The following TACR3 variants were observed in gnomAD, a reference collection of about 807,000 sequenced individuals.
The protein encoded by TACR3 is neuromedin-K receptor.
A neutral mutation model predicts 35.0 loss-of-function variants in TACR3; 34 were observed. The observed-to-expected ratio is 0.97, with a 90% CI of 0.74 to 1.30. The LOEUF is 1.30. TACR3 is among the 50% of genes most tolerant of loss of function. The probability of loss-of-function intolerance (pLI) is 0.00; values close to 1 mark genes in which losing one functional copy is unlikely to be tolerated. For synonymous variants in TACR3, 233 were observed against 221.1 expected, an observed-to-expected ratio of 1.05 and a Z score of -0.48; for missense variants, 558 against 591.7, an observed-to-expected ratio of 0.94 and a Z score of 0.59.
At chr4:103,596,442 T>G (rs1196755271) in intron 3 of TACR3, among the ~76,000 whole-genome samples, 3 of 151,980 alleles carry the variant, frequency 2.0e-5, no homozygotes, top group Non-Finnish European at 4.4e-5. Context: ...AGATTGCCAT[T>G]CTAACTGGTG....
chr4:103,636,136 T>G (rs1725182420), intron 3 of TACR3, among the ~76,000 whole-genome samples: 1 of 151,998 alleles, frequency 6.6e-6, no homozygotes, highest in Admixed American at 6.6e-5. Flanking sequence ...CATTAATTAC[T>G]CTCAGTATGC....
intron 1 of TACR3, among the ~76,000 whole-genome samples, chr4:103,704,641 C>A (rs138372328): frequency 1.3e-5 from 2 of 152,204 alleles, no homozygotes; most frequent in African/African-American, 4.8e-5. Flanking sequence ...AGAAACCAGC[C>A]CCATAATCCA....
At chr4:103,596,885 A>G (rs1271050099) in intron 3 of TACR3, among the ~76,000 whole-genome samples, 1 of 151,770 alleles carries the variant, frequency 6.6e-6, no homozygotes, top group Non-Finnish European at 1.5e-5. Flanking sequence ...GTTTGCTGAG[A>G]ATGATGGTTT....
rs961826200 is a variant in TACR3 at position 103,609,845 on chromosome 4, T to G, written c.889-18162A>C. On this transcript the variant is annotated intron_variant, in intron 3 of 4. Coordinates refer to ENST00000304883, the MANE Select transcript of TACR3 (RefSeq NM_001059.3). ...CACTCACTTCTTCTATAAGGTAAAC[T>G]TTGTTAGATTCTACATATGACTGAA... Among the ~76,000 whole-genome samples, 7 of 152,116 alleles carry G rather than the reference T, an allele frequency of 4.6e-5. No individual in the cohort carries two copies. The South Asian group carries it at 1.5e-3, about 32-fold the overall frequency.
chr4:103,706,846 C>A (rs567794530), intron 1 of TACR3, among the ~76,000 whole-genome samples: 1 of 152,242 alleles, frequency 6.6e-6, no homozygotes, highest in South Asian at 2.1e-4. Flanking sequence ...GGGATAAAAT[C>A]GATTCCAAGA....
At chr4:103,695,721 G>C (rs932462060) in intron 1 of TACR3, among the ~76,000 whole-genome samples, 4 of 151,512 alleles carry the variant, frequency 2.6e-5, no homozygotes, top group African/African-American at 9.7e-5. Context: ...CTGTGTGTGT[G>C]TGTGTGTGTG....
chr4:103,712,250 A>G (rs1722982632), intron 1 of TACR3, among the ~76,000 whole-genome samples: 1 of 152,200 alleles, frequency 6.6e-6, no homozygotes, highest in Non-Finnish European at 1.5e-5. Flanking sequence ...AAACTATACT[A>G]CAAGGCTACA....
chr4:103,636,486 A>T (rs1725193883), intron 3 of TACR3, among the ~76,000 whole-genome samples: 1 of 152,046 alleles, frequency 6.6e-6, no homozygotes. Context: ...CTTACCACAC[A>T]AAAGCCTTTT....
At chr4:103,680,882 C>T (rs984331407) in intron 1 of TACR3, among the ~76,000 whole-genome samples, 9 of 151,864 alleles carry the variant, frequency 5.9e-5, no homozygotes, top group African/African-American at 9.7e-5. Flanking sequence ...GTTTCTACAT[C>T]TACCTCTTTG....
chr4:103,656,914 CTGGGT>C (rs1284379215), intron 2 of TACR3, among the ~76,000 whole-genome samples: 6 of 151,732 alleles, frequency 4.0e-5, no homozygotes, highest in Non-Finnish European at 4.4e-5. Context: ...ATTTTCCAGT[CTGGGT>C]CCATTTGATT....
rs576117483 is a variant in TACR3 at position 103,598,234 on chromosome 4, G to C, written c.889-6551C>G. 5.3e-5 allele frequency among the ~76,000 whole-genome samples: 8 copies of C among 152,174 alleles called. No homozygotes were observed. The East Asian group carries it at 9.7e-4, about 18-fold the overall frequency. ...GTGAGCATTTTTTCATGTGTTTTTC[G>C]GCTGCATAAATGTCTTCTTTTGAGA... On this transcript the variant is annotated intron_variant, in intron 3 of 4. Transcript: ENST00000304883.
chr4:103,707,083 G>A (rs1722811869), intron 1 of TACR3, among the ~76,000 whole-genome samples: 1 of 152,152 alleles, frequency 6.6e-6, no homozygotes, highest in South Asian at 2.1e-4. Flanking sequence ...CCCACTCGGT[G>A]GAATGCTAAA....
At chr4:103,674,327 T>G (rs978072320) in intron 1 of TACR3, among the ~76,000 whole-genome samples, 1 of 151,754 alleles carries the variant, frequency 6.6e-6, no homozygotes, top group Non-Finnish European at 1.5e-5. Context: ...TTTTTTTTTT[T>G]CTCTGTTGTT....
At chr4:103,658,091 C>T in intron 2 of TACR3, 124 bp downstream of exon 2, 1 of 954,100 alleles carries the variant, frequency 1.0e-6, no homozygotes, top group Non-Finnish European at 1.6e-6. Context: ...TTATATATTT[C>T]CTTTTCCAAA....
chr4:103,717,980 C>T (rs530244206), intron 1 of TACR3, among the ~76,000 whole-genome samples: 9 of 152,244 alleles, frequency 5.9e-5, no homozygotes, highest in Admixed American at 2.0e-4. Flanking sequence ...CTAACCTCTG[C>T]TCCTTTAATT....
intron 3 of TACR3, among the ~76,000 whole-genome samples, chr4:103,627,566 A>G (rs1724926173): frequency 1.3e-5 from 2 of 152,080 alleles, no homozygotes; most frequent in Admixed American, 1.3e-4. Context: ...AGTCTTGGTA[A>G]AGGGATCAAT....
At chr4:103,687,883 A>T (rs1430418704) in intron 1 of TACR3, among the ~76,000 whole-genome samples, 1 of 152,152 alleles carries the variant, frequency 6.6e-6, no homozygotes, top group African/African-American at 2.4e-5. Context: ...TCTTCACAGA[A>T]TTAGAAAAAA....
chr4:103,669,165 T>C (rs1184591404), intron 1 of TACR3, among the ~76,000 whole-genome samples: 2 of 152,142 alleles, frequency 1.3e-5, no homozygotes, highest in African/African-American at 2.4e-5. Context: ...CATGGCTGAA[T>C]AGTATTCTAT....
At chr4:103,677,692 C>T (rs1260006496) in intron 1 of TACR3, among the ~76,000 whole-genome samples, 1 of 152,052 alleles carries the variant, frequency 6.6e-6, no homozygotes, top group African/African-American at 2.4e-5. Flanking sequence ...ACAACACACA[C>T]TGGGGCCTTT....
Sources: allele counts gnomAD v4.1 joint callset (sites outside exome capture counted in the v4.1 genomes callset), GRCh38; gene constraint gnomAD v4.1.1; transcripts MANE v1.5; gene names NCBI Gene and HGNC (gene_info 2026-07-23, HGNC 2026-07-21).